Variants in SCAPER observed in about 807,000 individuals in gnomAD.
SCAPER encodes the protein S phase cyclin A-associated protein in the endoplasmic reticulum.
SCAPER carries 98 observed loss-of-function variants against 182.2 expected under a neutral mutation model. That is an observed-to-expected ratio of 0.54 (90% CI 0.46 to 0.64). The LOEUF (loss-of-function observed/expected upper bound fraction) is 0.64. Among genes scored for constraint, SCAPER ranks in the 30% least tolerant of loss-of-function variants. The probability of loss-of-function intolerance (pLI) is 0.00; values close to 1 mark genes in which losing one functional copy is unlikely to be tolerated. For missense variants in SCAPER, 1,432 were observed against 1,690.0 expected, an observed-to-expected ratio of 0.85 and a Z score of 2.68; for synonymous variants, 605 against 564.6, an observed-to-expected ratio of 1.07 and a Z score of -1.01.
chr15:76,902,255 A>C (rs1248021770), intron 1 of SCAPER, among the ~76,000 whole-genome samples: 1 of 152,222 alleles, frequency 6.6e-6, no homozygotes, highest in East Asian at 1.9e-4. Context: ...AAAGAAAACC[A>C]AATACTGTGT....
At chr15:76,894,308 T>C (rs772982828) in intron 1 of SCAPER, among the ~76,000 whole-genome samples, 1 of 151,698 alleles carries the variant, frequency 6.6e-6, no homozygotes, top group Non-Finnish European at 1.5e-5. Context: ...ACCTGTAATC[T>C]CAGCTAGTCA....
At chr15:76,361,023 A>T (rs1014101473) in intron 29 of SCAPER, among the ~76,000 whole-genome samples, 3 of 130,984 alleles carry the variant, frequency 2.3e-5, no homozygotes, top group Non-Finnish European at 4.9e-5. Flanking sequence ...AATTTAAATT[A>T]AAAAAAAAAA....
At chr15:76,483,768 T>C (rs1264973642) in intron 24 of SCAPER, among the ~76,000 whole-genome samples, 1 of 152,142 alleles carries the variant, frequency 6.6e-6, no homozygotes, top group Non-Finnish European at 1.5e-5. Context: ...CTACATGTCA[T>C]TGAAGGATTA....
intron 5 of SCAPER, among the ~76,000 whole-genome samples, chr15:76,831,431 G>A (rs1568280524): frequency 6.6e-6 from 1 of 151,322 alleles, no homozygotes; most frequent in Non-Finnish European, 1.5e-5. Context: ...GACCCTGCCG[G>A]CACACACACA....
chr15:76,570,268 A>C (rs2047342047), intron 23 of SCAPER, among the ~76,000 whole-genome samples: 1 of 151,996 alleles, frequency 6.6e-6, no homozygotes, highest in South Asian at 2.1e-4. Context: ...CCAAACCAAA[A>C]CATGAGTTTT....
intron 15 of SCAPER, among the ~76,000 whole-genome samples, chr15:76,739,618 G>T (rs2061445884): frequency 6.6e-6 from 1 of 152,028 alleles, no homozygotes; most frequent in South Asian, 2.1e-4. Context: ...ATTTCACCAT[G>T]GTACTCACAA....
chr15:76,505,039 T>G, intron 23 of SCAPER, 65 bp from the exon 24 acceptor site: 1 of 1,123,468 alleles, frequency 8.9e-7, no homozygotes, highest in South Asian at 1.4e-5. Flanking sequence ...CCAAATGATA[T>G]CTGTAGTCTG....
chr15:76,591,779 C>T (rs2049129986), intron 22 of SCAPER, among the ~76,000 whole-genome samples: 4 of 152,186 alleles, frequency 2.6e-5, no homozygotes. Context: ...AAAATATAGG[C>T]TGGGCCGCAG....
At chr15:76,709,509 C>T (rs2059449146) in intron 17 of SCAPER, among the ~76,000 whole-genome samples, 1 of 152,102 alleles carries the variant, frequency 6.6e-6, no homozygotes. Context: ...TCAAAGCTGA[C>T]TCCAGAAGAT....
At chr15:76,641,241 T>C (rs1322328189) in intron 21 of SCAPER, among the ~76,000 whole-genome samples, 1 of 152,218 alleles carries the variant, frequency 6.6e-6, no homozygotes, top group Admixed American at 6.5e-5. Flanking sequence ...TTTAAGGCTC[T>C]GTTAGAAATT....
intron 20 of SCAPER, among the ~76,000 whole-genome samples, chr15:76,680,411 G>GATGATGATGATGATGATA (rs1032738002): frequency 7.0e-6 from 1 of 142,592 alleles, no homozygotes; most frequent in African/African-American, 2.6e-5. Flanking sequence ...TGATGATGAT[G>GATGATGATGATGATGATA]ATAATAATAA....
At chr15:76,823,320 C>T (rs1440763391) in intron 5 of SCAPER, among the ~76,000 whole-genome samples, 1 of 151,898 alleles carries the variant, frequency 6.6e-6, no homozygotes, top group African/African-American at 2.4e-5. Flanking sequence ...ATGAGCCAAG[C>T]ATGGTGGCAG....
chr15:76,675,101 T>C (rs1197094481), intron 20 of SCAPER, among the ~76,000 whole-genome samples: 3 of 152,242 alleles, frequency 2.0e-5, no homozygotes, highest in Non-Finnish European at 4.4e-5. Flanking sequence ...TGCAAGGTTG[T>C]GTGATGAGTA....
At chr15:76,397,961 C>G (rs1270770337) in intron 27 of SCAPER, among the ~76,000 whole-genome samples, 3 of 152,120 alleles carry the variant, frequency 2.0e-5, no homozygotes, top group African/African-American at 4.8e-5. Flanking sequence ...ATGTAGTTCA[C>G]AAAGTCTTTT....
intron 2 of SCAPER, among the ~76,000 whole-genome samples, chr15:76,872,672 T>A (rs1001670513): frequency 6.6e-6 from 1 of 151,614 alleles, no homozygotes; most frequent in African/African-American, 2.4e-5. Flanking sequence ...CTACATTATG[T>A]ACTATACATA....
Position 76,649,413 on chromosome 15 carries a change from G to A in SCAPER, c.2645+16240C>T, listed in dbSNP as rs756867254. On this transcript the variant is annotated intron_variant, in intron 21 of 31. Transcript: ENST00000563290. ...CCACTGCATTCCAGCCTAGGCGACC[G>A]AATGAGACAATCCCCCTGCTCCCCA... 1.8e-4 allele frequency among the ~76,000 whole-genome samples: 27 copies of A among 151,514 alleles called. 1 individual carries two copies. Among genetic ancestry groups the A allele is most frequent in the Admixed American group, 1.1e-3 (17 of 15,206 alleles).
rs532438001 is a variant in SCAPER, at chr15:76,633,930, C to T, written c.2646-12101G>A. 5.3e-5 allele frequency among the ~76,000 whole-genome samples: 8 copies of T among 152,312 alleles called. 1 individual carries two copies. The highest frequency in any genetic ancestry group is 1.7e-4 in the African/African-American group (7 of 41,580). On this transcript the variant is annotated intron_variant, in intron 21 of 31. Coordinates refer to ENST00000563290, the MANE Select transcript of SCAPER (RefSeq NM_020843.4). ...ATAGGGAGTTGGGGCCCACTGAGGG[C>T]GGCCACTTTGGTCCCTGGCTTCAGC...
chr15:76,555,488 C>G (rs1257529630), intron 23 of SCAPER, among the ~76,000 whole-genome samples: 4 of 152,248 alleles, frequency 2.6e-5, no homozygotes, highest in Middle Eastern at 3.4e-3. Flanking sequence ...TCAAGAGACT[C>G]ATCTCACATG....
chr15:76,364,263 G>A (rs2141768440), intron 29 of SCAPER, among the ~76,000 whole-genome samples: 1 of 152,216 alleles, frequency 6.6e-6, no homozygotes. Context: ...CAGACCATGT[G>A]GGAAGTAGGC....
Sources: gnomAD v4.1 joint callset for allele counts (sites outside exome capture counted in the v4.1 genomes callset) on GRCh38, gnomAD v4.1.1 for gene constraint, MANE v1.5 for transcripts, NCBI Gene and HGNC (gene_info 2026-07-23, HGNC 2026-07-21) for gene names.